SNRNP35: variants seen among roughly 807,000 people sequenced by gnomAD.
SNRNP35 encodes U11/U12 small nuclear ribonucleoprotein 35 kDa protein.
Under a neutral mutation model 24.3 loss-of-function variants are expected in SNRNP35, and 16 were observed. The observed-to-expected ratio is 0.66, with a 90% confidence interval of 0.45 to 1.00. The LOEUF (loss-of-function observed/expected upper bound fraction) is 1.00. Among genes scored for constraint, SNRNP35 ranks in the 50% least tolerant of loss-of-function variants. SNRNP35 has a pLI of 0.00. For synonymous variants in SNRNP35, 106 were observed against 124.8 expected, an observed-to-expected ratio of 0.85 and a Z score of 1.00; for missense variants, 292 against 327.2, an observed-to-expected ratio of 0.89 and a Z score of 0.83.
chr12:123,461,897 T>C (rs919732082), intron 1 of SNRNP35, among the ~76,000 whole-genome samples: 1 of 151,950 alleles, frequency 6.6e-6, no homozygotes, highest in African/African-American at 2.4e-5. Flanking sequence ...AATTTTTGTA[T>C]GTTTAGTAGA....
chr12:123,472,763 A>C, exon 2 of SNRNP35: 1 of 1,463,310 alleles, frequency 6.8e-7, no homozygotes. Flanking sequence ...CCGGAGACAT[A>C]TAGCAGCAAA....
At chr12:123,458,360 G>A (rs1880393828) in intron 1 of SNRNP35, 144 bp downstream of exon 1, 1 of 385,346 alleles carries the variant, frequency 2.6e-6, no homozygotes, top group South Asian at 1.1e-4. Context: ...GCGTTGCGGG[G>A]AGTGGGGACG....
downstream of SNRNP35, among the ~76,000 whole-genome samples, chr12:123,469,862 G>A (rs1390018465): frequency 3.1e-5 from 4 of 127,942 alleles, no homozygotes; most frequent in African/African-American, 1.0e-4. Flanking sequence ...AATATATTAT[G>A]CTGCCATTTA....
chr12:123,469,176 A>G (rs1325144542), downstream of SNRNP35, among the ~76,000 whole-genome samples: 10 of 151,198 alleles, frequency 6.6e-5, no homozygotes, highest in Non-Finnish European at 1.5e-4. Flanking sequence ...TTTTTTTGAG[A>G]CAGAGTCTCG....
Position 123,465,877 on chromosome 12 carries a change from G to C in SNRNP35, c.337G>C (p.Asp113His). The change falls in exon 2 of 2, where the codon GAT becomes CAT. Residue 113 changes from aspartate (D) to histidine (H), a missense_variant. Coordinates refer to ENST00000526639, the MANE Select transcript of SNRNP35 (RefSeq NM_022717.4). This position sits in a 1 kb window ranked among gnomAD's most constrained non-coding sequence, Gnocchi z 4.2. ...CGTGATCAAAGCTTACCGAGATGCT[G>C]ATGGCCTGGTTATTGACCAGCATGA... The part of the protein sequence containing the change: ...RAVIKAYRDA[D>H]GLVIDQHEIF... 3 of 1,614,048 alleles carry C rather than the reference G, an allele frequency of 1.9e-6. No homozygotes were observed. The highest frequency in any genetic ancestry group is 2.5e-6 in the Non-Finnish European group (3 of 1,180,028).
downstream of SNRNP35, chr12:123,471,568 T>G (rs1881191668): frequency 6.6e-6 from 1 of 152,148 alleles, no homozygotes; most frequent in Admixed American, 6.6e-5. Flanking sequence ...AGCATCTGGC[T>G]CTCTGTCTGC....
At chr12:123,463,181 C>T (rs1056349118) in intron 1 of SNRNP35, among the ~76,000 whole-genome samples, 13 of 151,960 alleles carry the variant, frequency 8.6e-5, no homozygotes, top group African/African-American at 1.2e-4. Context: ...CTGTCTTAGC[C>T]CCCCTAGTAG....
At chr12:123,464,240 G>GT (rs1173653190) in intron 1 of SNRNP35, among the ~76,000 whole-genome samples, 4,346 of 123,914 alleles carry the variant, frequency 0.035, 251 homozygotes, top group African/African-American at 0.11. Flanking sequence ...GCCAGCCAAG[G>GT]TTTTTTTTTT....
In SNRNP35 at chr12:123,466,257, G is replaced by T. The variant is rs764562788; in HGVS notation, c.717G>T (p.Arg239Ser). ...RDFRDDRIKG[R>S]EKKERGK Reference sequence around the variant, plus strand: ...TCAGAGATGACAGGATCAAGGGGAGGGAGAAGAAGGAAAGAGGCAAGTAGA... The same window carrying T: ...TCAGAGATGACAGGATCAAGGGGAGTGAGAAGAAGGAAAGAGGCAAGTAGA... The change falls in exon 2 of 2, where the codon AGG becomes AGT. Residue 239 changes from arginine to serine, a missense_variant. By Grantham distance (110) the Arg-to-Ser change is moderately radical. Coordinates refer to ENST00000526639, the MANE Select transcript of SNRNP35 (RefSeq NM_022717.4). 6.6e-7 allele frequency: 1 copy of T among 1,522,518 alleles called. No individual in the cohort carries two copies. Among genetic ancestry groups the T allele is most frequent in the Non-Finnish European group, 8.8e-7 (1 of 1,137,730 alleles). 94.3% of individuals were successfully genotyped at this position (1,522,518 alleles called of 1,614,324 possible). A position where few individuals can be genotyped will look rare whatever the true frequency, so the allele number is the denominator to read the frequency against.
At position 123,466,308 on chromosome 12, in the gene SNRNP35, A is replaced by G. The variant is rs746764808; in HGVS notation, c.*27A>G. 2 of 1,506,154 alleles carry G rather than the reference A, an allele frequency of 1.3e-6. No homozygotes were observed. The highest frequency in any genetic ancestry group is 1.8e-6 in the Non-Finnish European group (2 of 1,130,030). 93.3% of individuals were successfully genotyped at this position (1,506,154 alleles called of 1,614,324 possible). ...GGCCCAACAGCAGAACCCCAAAGTG[A>G]AGTTACAGTGGAAATGAGTGGAGGG... On this transcript the variant is annotated 3_prime_UTR_variant, in exon 2 of 2. Coordinates refer to ENST00000526639, the MANE Select transcript of SNRNP35 (RefSeq NM_022717.4).
downstream of SNRNP35, chr12:123,471,101 C>T (rs557024268): frequency 4.7e-5 from 7 of 147,622 alleles, no homozygotes; most frequent in East Asian, 1.2e-3. Context: ...GATGAAGTCT[C>T]ACTCTGTCGC....
rs1249472789 is a variant in SNRNP35, at chr12:123,466,018, C to T, written c.478C>T (p.Arg160Trp). The change falls in exon 2 of 2, where the codon CGG becomes TGG. Residue 160 changes from arginine to tryptophan, a missense_variant. By Grantham distance (101) the Arg-to-Trp change is moderately radical (BLOSUM62 -3). Coordinates refer to ENST00000526639, the MANE Select transcript of SNRNP35 (RefSeq NM_022717.4). ...GCAACTGAGATTTGGGGGACGGGAC[C>T]GGCCTTTTCGAAAACCTATTAACTT... ...SGQLRFGGRD[R>W]PFRKPINLPV... 4.3e-6 allele frequency: 7 copies of T among 1,614,002 alleles called. No individual in the cohort carries two copies. The highest frequency in any genetic ancestry group is 3.3e-5 in the Admixed American group (2 of 59,970).
At chr12:123,463,290 G>A (rs780429701) in intron 1 of SNRNP35, among the ~76,000 whole-genome samples, 4 of 151,952 alleles carry the variant, frequency 2.6e-5, no homozygotes, top group African/African-American at 9.7e-5. Flanking sequence ...TCCAACTCCT[G>A]AGCTCAAGTG....
exon 2 of SNRNP35, chr12:123,472,756 G>C (rs1881281631): frequency 1.3e-6 from 2 of 1,499,818 alleles, no homozygotes; most frequent in African/African-American, 1.4e-5. Flanking sequence ...TGCAATGCCG[G>C]AGACATATAG....
downstream of SNRNP35, among the ~76,000 whole-genome samples, chr12:123,468,932 G>C (rs1881071869): frequency 1.3e-5 from 2 of 152,148 alleles, no homozygotes; most frequent in East Asian, 3.9e-4. Flanking sequence ...GTAAAGGATT[G>C]GAAGGAAGCT....
chr12:123,466,060 G>T lies in SNRNP35; in HGVS notation c.520G>T (p.Asp174Tyr). The change falls in exon 2 of 2, where the codon GAC (aspartate) becomes TAC (tyrosine). Residue 174 changes from aspartate to tyrosine, a missense_variant. Coordinates refer to ENST00000526639, the MANE Select transcript of SNRNP35 (RefSeq NM_022717.4). Reference sequence around the variant, plus strand: ...TATTAACTTGCCAGTTGTTAAAAACGACCTCTATAGAGAGGGAAAACGGGA... The same window carrying T: ...TATTAACTTGCCAGTTGTTAAAAACTACCTCTATAGAGAGGGAAAACGGGA... ...KPINLPVVKN[D>Y]LYREGKRERR... 1 of 1,614,076 alleles carries T rather than the reference G, an allele frequency of 6.2e-7. No individual in the cohort carries two copies. The highest frequency in any genetic ancestry group is 8.5e-7 in the Non-Finnish European group (1 of 1,180,030).
chr12:123,472,482 C>G, exon 2 of SNRNP35: 6 of 1,542,930 alleles, frequency 3.9e-6, no homozygotes, highest in Non-Finnish European at 5.3e-6. Context: ...GGCTGCAGTT[C>G]GGTTGCAGGC....
chr12:123,468,295 G>A (rs1881044991), downstream of SNRNP35, among the ~76,000 whole-genome samples: 2 of 144,848 alleles, frequency 1.4e-5, no homozygotes, highest in South Asian at 4.3e-4. Flanking sequence ...GGAGGCGGAG[G>A]TTGCAGTGAG....
chr12:123,466,438 T>C lies in SNRNP35; in HGVS notation c.*157T>C, dbSNP rs1880989620. 4.2e-6 allele frequency: 3 copies of C among 720,006 alleles called. No individual in the cohort carries two copies. Among genetic ancestry groups the C allele is most frequent in the East Asian group, 5.6e-5 (2 of 36,008 alleles). The allele number at this position is 720,006 out of a possible 1,614,324, so 44.6% of individuals were successfully genotyped here. ...TCCAATCTGGAACTTCGGTTCAAGCTGATAGGAATTTATCATCTTCCTCAC... is the reference window on the plus strand; with the variant it reads ...TCCAATCTGGAACTTCGGTTCAAGCCGATAGGAATTTATCATCTTCCTCAC... On this transcript the variant is annotated 3_prime_UTR_variant, in exon 2 of 2. Coordinates refer to ENST00000526639, the MANE Select transcript of SNRNP35 (RefSeq NM_022717.4).
Sources: allele counts gnomAD v4.1 joint callset (sites outside exome capture counted in the v4.1 genomes callset), GRCh38; gene constraint gnomAD v4.1.1; non-coding constraint Gnocchi (gnomAD v3.1); transcripts MANE v1.5; gene names NCBI Gene and HGNC (gene_info 2026-07-23, HGNC 2026-07-21).